MEI1: variants seen among roughly 807,000 people sequenced by gnomAD.
MEI1 encodes the protein meiosis inhibitor protein 1.
In MEI1, 103 loss-of-function variants were observed where a neutral mutation model predicts 146.2. The ratio of observed to expected loss-of-function variants is 0.70; its 90% CI spans 0.60 to 0.83. MEI1 has a LOEUF of 0.83. MEI1 is among the 40% of genes least tolerant of loss of function. MEI1 has a pLI of 0.00. For synonymous variants in MEI1, 652 were observed against 628.2 expected (o/e 1.04, Z -0.57); for missense variants, 1,529 against 1,533.0 (o/e 1.00, Z 0.04).
chr22:41,718,979 CTTTTTTTTT>C (rs146120400), intron 6 of MEI1, among the ~76,000 whole-genome samples: 10 of 111,226 alleles, frequency 9.0e-5, no homozygotes, highest in African/African-American at 4.3e-4. Context: ...TCAAGTGATT[CTTTTTTTTT>C]TTTTTTTTTT....
chr22:41,785,138 T>C (rs1253558304), intron 26 of MEI1, among the ~76,000 whole-genome samples: 1 of 151,382 alleles, frequency 6.6e-6, no homozygotes, highest in African/African-American at 2.4e-5. Context: ...GGTTTCACCA[T>C]GTTGGCCAGG....
At chr22:41,730,209 C>CT (rs1449427511) in intron 8 of MEI1, among the ~76,000 whole-genome samples, 1 of 152,180 alleles carries the variant, frequency 6.6e-6, no homozygotes, top group Non-Finnish European at 1.5e-5. Context: ...TCTAAAAACT[C>CT]TTTTTCCTTC....
chr22:41,752,783 C>A, intron 16 of MEI1, 132 bp downstream of exon 16: 3 of 781,648 alleles, frequency 3.8e-6, no homozygotes, highest in Non-Finnish European at 6.7e-6. Flanking sequence ...CAGCATTGCT[C>A]AGCATCTGGT....
intron 20 of MEI1, 73 bp from the exon 21 acceptor site, chr22:41,776,029 C>T (rs1443802193): frequency 2.0e-6 from 3 of 1,483,102 alleles, no homozygotes; most frequent in East Asian, 2.3e-5. Flanking sequence ...TTTTCCTGCC[C>T]CTCTATTCCT....
chr22:41,763,821 A>C (rs2074667155), intron 19 of MEI1, among the ~76,000 whole-genome samples: 1 of 152,204 alleles, frequency 6.6e-6, no homozygotes, highest in South Asian at 2.1e-4. Context: ...GATGCTATGC[A>C]ACAAACTCAT....
chr22:41,712,519 G>A (rs375633252), intron 3 of MEI1, among the ~76,000 whole-genome samples: 1 of 152,074 alleles, frequency 6.6e-6, no homozygotes, highest in Non-Finnish European at 1.5e-5. Flanking sequence ...ACAGGCGTGA[G>A]CCACTGCGCC....
At chr22:41,734,225 G>A (rs980235886) in intron 11 of MEI1, among the ~76,000 whole-genome samples, 6 of 152,238 alleles carry the variant, frequency 3.9e-5, no homozygotes, top group African/African-American at 1.4e-4. Flanking sequence ...AGGAGCTTGA[G>A]CATCCTGGTT....
chr22:41,709,276 A>G (rs2069348947), intron 3 of MEI1: 2 of 821,996 alleles, frequency 2.4e-6, no homozygotes, highest in South Asian at 2.6e-5. Flanking sequence ...TGGCATCTCC[A>G]TTTTCTGCAG....
Position 41,717,946 on chromosome 22 carries a change from A to G in MEI1, c.530-125A>G, listed in dbSNP as rs2070364774. 5.0e-6 allele frequency: 4 copies of G among 797,234 alleles called. No homozygotes were observed. In the East Asian group the frequency reaches 8.1e-5, roughly 16 times the overall value. The allele number at this position is 797,234 out of a possible 1,614,324, so 49.4% of individuals were successfully genotyped here. On this transcript the variant is annotated intron_variant, in intron 5 of 30. Coordinates refer to ENST00000401548, the MANE Select transcript of MEI1 (RefSeq NM_152513.4). ...TTGCCTTTAGATTAAGCATGCAGAA[A>G]GCATTTTTTGTGGGGGATTATAGGG...
intron 11 of MEI1, among the ~76,000 whole-genome samples, chr22:41,740,143 G>A (rs2072737252): frequency 6.6e-6 from 1 of 151,500 alleles, no homozygotes; most frequent in African/African-American, 2.4e-5. Flanking sequence ...CCTTAGCCTC[G>A]CGAGTAGCTG....
intron 24 of MEI1, among the ~76,000 whole-genome samples, chr22:41,782,910 A>G (rs1354146289): frequency 6.6e-6 from 1 of 151,652 alleles, no homozygotes; most frequent in Non-Finnish European, 1.5e-5. Flanking sequence ...CGTCCTCCCC[A>G]CTAATGTGAC....
At chr22:41,792,754 CA>C (rs1229529299) in intron 26 of MEI1, among the ~76,000 whole-genome samples, 1 of 152,126 alleles carries the variant, frequency 6.6e-6, no homozygotes, top group African/African-American at 2.4e-5. Flanking sequence ...CCAGCTTCTC[CA>C]CATTCTCCTC....
intron 2 of MEI1, among the ~76,000 whole-genome samples, chr22:41,704,620 G>C (rs1278470187): frequency 6.6e-6 from 1 of 151,438 alleles, no homozygotes; most frequent in Non-Finnish European, 1.5e-5. Context: ...TGCCATGTTG[G>C]CCAGGCTGGT....
At chr22:41,716,707 CT>C (rs1222935762) in intron 5 of MEI1, among the ~76,000 whole-genome samples, 1 of 105,730 alleles carries the variant, frequency 9.5e-6, no homozygotes, top group African/African-American at 3.5e-5. Flanking sequence ...TTTTTTTTCC[CT>C]GAGACGAGTC....
rs772194871 is a variant in MEI1, at chr22:41,699,548, A to G, written c.10A>G (p.Arg4Gly). 1.0e-4 allele frequency: 169 copies of G among 1,611,118 alleles called. No homozygotes were observed. Among genetic ancestry groups the G allele is most frequent in the Non-Finnish European group, 1.4e-4 (163 of 1,178,738 alleles). ...GAGGGCAAGCGAGGAGATGGCTGTG[A>G]GGCAGGCGGCGACGGCGGGCACTCC... MAV[R>G]QAATAGTPGP... The change falls in exon 1 of 31, where the codon AGG becomes GGG. Residue 4 changes from arginine to glycine, a missense_variant. Arg to Gly is a moderately radical substitution (Grantham distance 125, BLOSUM62 -2). Around this residue, in one of 3 missense-constraint regions of MEI1, gnomAD observed 1,212 missense variants for 1,178.9 expected, o/e 1.03. Coordinates refer to ENST00000401548, the MANE Select transcript of MEI1 (RefSeq NM_152513.4).
chr22:41,734,428 A>C (rs1361141206), intron 11 of MEI1, among the ~76,000 whole-genome samples: 2 of 152,130 alleles, frequency 1.3e-5, no homozygotes. Context: ...CCCTGTCTCT[A>C]CTAAAAATAC....
At chr22:41,721,392 A>T (rs959707076) in intron 6 of MEI1, among the ~76,000 whole-genome samples, 1 of 149,004 alleles carries the variant, frequency 6.7e-6, no homozygotes, top group Non-Finnish European at 1.5e-5. Flanking sequence ...CTACAGGCGC[A>T]TGCCACCACA....
chr22:41,778,626 G>T (rs2075593708), intron 21 of MEI1, 82 bp from the exon 22 acceptor site: 3 of 1,031,816 alleles, frequency 2.9e-6, no homozygotes, highest in South Asian at 2.8e-5. Context: ...GTTATTAAGG[G>T]CCATTGAAGC....
rs2074238784 is a variant in MEI1 at position 41,758,439 on chromosome 22, T to A, written c.2026T>A (p.Phe676Ile). 2 of 1,613,970 alleles carry A rather than the reference T, an allele frequency of 1.2e-6. No homozygotes were observed. Among genetic ancestry groups the A allele is most frequent in the East Asian group, 4.5e-5 (2 of 44,878 alleles). ...ISSRSPESLA[F>I]LSDRQYMEGA... ...CAGCAGGAGCCCTGAAAGCCTTGCC[T>A]TCCTGTCTGATCGCCAGTACATGGA... The change falls in exon 18 of 31, where the codon TTC becomes ATC. Residue 676 changes from phenylalanine (F) to isoleucine (I), a missense_variant. Physicochemically the swap from Phe to Ile is conservative, Grantham distance 21. This residue lies in a region of MEI1 where 1,212 missense variants were observed against 1,178.9 expected (regional missense o/e 1.03). Transcript: ENST00000401548.
Sources: gnomAD v4.1 joint callset for allele counts (sites outside exome capture counted in the v4.1 genomes callset) on GRCh38, gnomAD v4.1.1 for gene constraint, gnomAD v4.1.1 regional missense constraint, MANE v1.5 for transcripts, NCBI Gene and HGNC (gene_info 2026-07-23, HGNC 2026-07-21) for gene names.